GLRA2: variants seen among roughly 807,000 people sequenced by gnomAD.
The protein encoded by GLRA2 is glycine receptor subunit alpha-2.
In GLRA2, 11 loss-of-function variants were observed where a neutral mutation model predicts 31.6. The ratio of observed to expected loss-of-function variants is 0.35; its 90% CI spans 0.22 to 0.58. GLRA2 has a LOEUF of 0.58. Ranked by LOEUF, GLRA2 falls within the 20% of genes least tolerant of loss-of-function variation. The pLI, the probability that GLRA2 is intolerant of heterozygous loss-of-function variation, is 0.84. For synonymous variants in GLRA2, 132 were observed against 134.0 expected (o/e 0.99, Z 0.10); for missense variants, 212 against 351.8 (o/e 0.60, Z 3.18).
intron 2 of GLRA2, among the ~76,000 whole-genome samples, chrX:14,562,075 A>G (rs943484816): frequency 8.9e-6 from 1 of 112,530 alleles, no homozygotes; most frequent in African/African-American, 3.2e-5. Context: ...AGTTTGGGAA[A>G]TAATGACACA....
At chrX:14,561,039 A>G (rs1247020121) in intron 2 of GLRA2, among the ~76,000 whole-genome samples, 1 of 111,479 alleles carries the variant, frequency 9.0e-6, no homozygotes, top group Non-Finnish European at 1.9e-5. Flanking sequence ...TGAGTCGTAT[A>G]TATTAAGTAT....
Position 14,641,154 on chromosome X carries a change from C to T in GLRA2, c.930+31949C>T, listed in dbSNP as rs1223355302. Among the ~76,000 whole-genome samples, 3 of 111,551 alleles carry T rather than the reference C, an allele frequency of 2.7e-5. No individual in the cohort carries two copies. The East Asian group carries it at 8.4e-4, about 31-fold the overall frequency. On this transcript the variant is annotated intron_variant, in intron 7 of 8. Coordinates refer to ENST00000218075, the MANE Select transcript of GLRA2 (RefSeq NM_002063.4). The stretch of plus-strand genomic sequence containing the variant: ...CCAAGAAAACACCTTATCACATGCT[C>T]AGTAGCCATTTAGTTGTCTTCTTTT...
intron 8 of GLRA2, among the ~76,000 whole-genome samples, chrX:14,729,011 C>T (rs1404214433): frequency 2.7e-5 from 3 of 112,353 alleles, no homozygotes; most frequent in Non-Finnish European, 5.6e-5. Flanking sequence ...TTACAAAACT[C>T]ATTTAAGTAC....
intron 8 of GLRA2, among the ~76,000 whole-genome samples, chrX:14,693,445 C>A (rs772715225): frequency 1.8e-5 from 2 of 111,163 alleles, no homozygotes; most frequent in Non-Finnish European, 1.9e-5. Flanking sequence ...ATGTCTACAA[C>A]GAATAACATG....
At chrX:14,453,798 T>C in the GLRA2 span, among the ~76,000 whole-genome samples, 1 of 111,779 alleles carries the variant, frequency 8.9e-6, no homozygotes, top group African/African-American at 3.3e-5. Flanking sequence ...CAGATGTCCT[T>C]CAATGGGCAA....
the GLRA2 span, among the ~76,000 whole-genome samples, chrX:14,492,823 G>A: frequency 0.039 from 4,395 of 111,733 alleles, 91 homozygotes; most frequent in Middle Eastern, 0.1. Context: ...AAGAATTTAC[G>A]TCTCACAGTT....
chrX:14,694,397 T>C (rs753984863), intron 8 of GLRA2, among the ~76,000 whole-genome samples: 3 of 111,897 alleles, frequency 2.7e-5, no homozygotes, highest in Non-Finnish European at 5.7e-5. Context: ...TAGTAGAGAA[T>C]GAGAGGGACA....
intron 7 of GLRA2, among the ~76,000 whole-genome samples, chrX:14,611,201 CATTTT>C (rs1367536023): frequency 1.8e-5 from 2 of 112,642 alleles, no homozygotes; most frequent in Non-Finnish European, 1.9e-5. Flanking sequence ...TGTAAATACT[CATTTT>C]AATTTATAAA....
the GLRA2 span, among the ~76,000 whole-genome samples, chrX:14,478,320 A>T: frequency 3.6e-5 from 4 of 111,723 alleles, no homozygotes; most frequent in Non-Finnish European, 7.5e-5. Context: ...GTGCAGCCAA[A>T]GGAGTCGTAA....
chrX:14,574,441 C>T lies in GLRA2; in HGVS notation c.270+41C>T, dbSNP rs1369904983. ...CCACTGGCAAGAGAAAGACACAACT[C>T]AATTATGCTGTGAACACAAACTGTC... On this transcript the variant is annotated intron_variant, in intron 3 of 8. Coordinates refer to ENST00000218075, the MANE Select transcript of GLRA2 (RefSeq NM_002063.4). 3 of 1,153,708 alleles carry T rather than the reference C, an allele frequency of 2.6e-6. No individual in the cohort carries two copies. The East Asian group carries it at 8.9e-5, about 34-fold the overall frequency.
chrX:14,681,912 T>A (rs868634945), intron 7 of GLRA2, among the ~76,000 whole-genome samples: 1,325 of 54,619 alleles, frequency 0.024, 39 homozygotes, highest in African/African-American at 0.055. Context: ...AAAAAAAAAA[T>A]ATATATATAT....
At chrX:14,724,087 T>G (rs1383085571) in intron 8 of GLRA2, among the ~76,000 whole-genome samples, 1 of 111,875 alleles carries the variant, frequency 8.9e-6, no homozygotes, top group Admixed American at 9.5e-5. Context: ...TTACCTTAAC[T>G]GTTTATTTTT....
intron 2 of GLRA2, among the ~76,000 whole-genome samples, chrX:14,572,015 T>C: frequency 8.9e-6 from 1 of 112,126 alleles, no homozygotes. Context: ...TGTTTTCTCA[T>C]CTGTAAACAT....
intron 3 of GLRA2, among the ~76,000 whole-genome samples, chrX:14,579,335 C>CT (rs370753446): frequency 8.0e-4 from 75 of 94,067 alleles, no homozygotes; most frequent in Admixed American, 1.0e-3. Flanking sequence ...ACAAGCCTGA[C>CT]TTTTTTTTTT....
In GLRA2 at chrX:14,684,276, T is replaced by A. The variant is rs189798432; in HGVS notation, c.931-6434T>A. 3.9e-4 allele frequency among the ~76,000 whole-genome samples: 43 copies of A among 111,364 alleles called. No individual in the cohort carries two copies. In the East Asian group the frequency reaches 0.012, roughly 31 times the overall value. ...ATGCCTCCAGCTTTGTTCTTTTGGC[T>A]TAGGATTGACTTGGCGATGCAGGCT... On this transcript the variant is annotated intron_variant, in intron 7 of 8. Coordinates refer to ENST00000218075, the MANE Select transcript of GLRA2 (RefSeq NM_002063.4).
the GLRA2 span, among the ~76,000 whole-genome samples, chrX:14,488,698 T>G: frequency 8.9e-6 from 1 of 112,505 alleles, no homozygotes; most frequent in Admixed American, 9.4e-5. Context: ...ATATTTCATC[T>G]TATTGTTCTA....
intron 8 of GLRA2, among the ~76,000 whole-genome samples, chrX:14,727,570 T>TA (rs1181934573): frequency 8.9e-6 from 1 of 112,253 alleles, no homozygotes; most frequent in Non-Finnish European, 1.9e-5. Flanking sequence ...AAGCACTGAG[T>TA]AAGTCTTCAG....
chrX:14,618,410 T>C (rs2090477919), intron 7 of GLRA2, among the ~76,000 whole-genome samples: 1 of 112,065 alleles, frequency 8.9e-6, no homozygotes, highest in Non-Finnish European at 1.9e-5. Flanking sequence ...TGTAGTCATT[T>C]ATGTAAAGGG....
At chrX:14,451,642 TC>T in the GLRA2 span, among the ~76,000 whole-genome samples, 108 of 30,955 alleles carry the variant, frequency 3.5e-3, no homozygotes, top group African/African-American at 0.019. Context: ...AGACTCTGTC[TC>T]CAAAAAAAAA....
Sources: allele counts gnomAD v4.1 joint callset (sites outside exome capture counted in the v4.1 genomes callset), GRCh38; gene constraint gnomAD v4.1.1; transcripts MANE v1.5; gene names NCBI Gene and HGNC (gene_info 2026-07-23, HGNC 2026-07-21).